The following CTNNA3 variants were observed in gnomAD, a reference collection of about 807,000 sequenced individuals.
CTNNA3 encodes catenin alpha 3, also known as catenin alpha-3.
CTNNA3 carries 76 observed loss-of-function variants against 95.7 expected under a neutral mutation model. The observed-to-expected ratio is 0.79, with a 90% confidence interval of 0.66 to 0.96. The LOEUF (loss-of-function observed/expected upper bound fraction) is 0.96, where lower values mean the gene tolerates loss of function less well. CTNNA3 is among the 40% of genes least tolerant of loss of function. CTNNA3 has a pLI of 0.00. For synonymous variants in CTNNA3, 431 were observed against 374.4 expected, an observed-to-expected ratio of 1.15 and a Z score of -1.74; for missense variants, 1,191 against 1,089.8, an observed-to-expected ratio of 1.09 and a Z score of -1.31.
At chr10:67,713,714 T>C (rs1020735995) in intron 1 of CTNNA3, among the ~76,000 whole-genome samples, 2 of 152,090 alleles carry the variant, frequency 1.3e-5, no homozygotes, top group African/African-American at 4.8e-5. Flanking sequence ...ATGTTCTCAC[T>C]CATAAGTGGG....
intron 16 of CTNNA3, among the ~76,000 whole-genome samples, chr10:65,976,816 A>C (rs1175469801): frequency 5.3e-5 from 8 of 151,950 alleles, no homozygotes; most frequent in Non-Finnish European, 8.8e-5. Flanking sequence ...TAATCAGGTT[A>C]CTTGGATTTT....
At chr10:67,270,358 C>T (rs1265733515) in intron 5 of CTNNA3, among the ~76,000 whole-genome samples, 8 of 152,050 alleles carry the variant, frequency 5.3e-5, no homozygotes, top group East Asian at 1.9e-4. Context: ...TATAACCAAA[C>T]GCAAGCACAA....
chr10:66,431,579 AG>A (rs2093296045), intron 11 of CTNNA3, among the ~76,000 whole-genome samples: 1 of 152,044 alleles, frequency 6.6e-6, no homozygotes, highest in Admixed American at 6.6e-5. Flanking sequence ...AAAAATGATG[AG>A]TTCATGTCCT....
At chr10:67,649,938 C>T (rs1839829258) in intron 1 of CTNNA3, among the ~76,000 whole-genome samples, 1 of 152,216 alleles carries the variant, frequency 6.6e-6, no homozygotes. Flanking sequence ...CTCCCAAGTT[C>T]AAGTGATTCT....
chr10:66,607,704 T>C (rs1844179337), intron 10 of CTNNA3, among the ~76,000 whole-genome samples: 1 of 152,132 alleles, frequency 6.6e-6, no homozygotes, highest in Non-Finnish European at 1.5e-5. Context: ...AACCACATGA[T>C]TATCTCAATA....
At chr10:66,158,500 G>A (rs1328888102) in intron 13 of CTNNA3, among the ~76,000 whole-genome samples, 3 of 152,016 alleles carry the variant, frequency 2.0e-5, no homozygotes, top group African/African-American at 7.2e-5. Flanking sequence ...CTGTTCCATT[G>A]GCCTATGTGC....
intron 13 of CTNNA3, among the ~76,000 whole-genome samples, chr10:66,126,995 G>A (rs907467250): frequency 7.2e-5 from 11 of 151,900 alleles, no homozygotes; most frequent in African/African-American, 1.7e-4. Flanking sequence ...ATGGCCGGGC[G>A]CGGTGGCTCA....
intron 12 of CTNNA3, among the ~76,000 whole-genome samples, chr10:66,295,866 T>C (rs927290043): frequency 5.3e-5 from 8 of 152,196 alleles, no homozygotes; most frequent in African/African-American, 1.9e-4. Context: ...AGTGGTAATA[T>C]GGAACATGGT....
At chr10:66,905,720 G>A (rs942482791) in intron 7 of CTNNA3, among the ~76,000 whole-genome samples, 6 of 152,038 alleles carry the variant, frequency 3.9e-5, no homozygotes, top group Admixed American at 6.6e-5. Context: ...CATGCATTAC[G>A]CTAAGTGAAA....
At chr10:66,642,939 C>T (rs1845570050) in intron 9 of CTNNA3, among the ~76,000 whole-genome samples, 1 of 152,000 alleles carries the variant, frequency 6.6e-6, no homozygotes, top group Non-Finnish European at 1.5e-5. Flanking sequence ...TTTAAGCAGA[C>T]CACTAAAAAG....
At chr10:66,614,124 T>C (rs1844426353) in intron 10 of CTNNA3, among the ~76,000 whole-genome samples, 1 of 152,108 alleles carries the variant, frequency 6.6e-6, no homozygotes, top group African/African-American at 2.4e-5. Context: ...TTGCTGTTTT[T>C]ACAAAATAGT....
intron 11 of CTNNA3, among the ~76,000 whole-genome samples, chr10:66,440,147 T>C (rs943950113): frequency 4.6e-5 from 7 of 152,176 alleles, no homozygotes; most frequent in African/African-American, 1.7e-4. Context: ...TTTGCAATTA[T>C]ATCTCCACTT....
At chr10:66,615,811 C>T (rs1359074386) in intron 10 of CTNNA3, among the ~76,000 whole-genome samples, 1 of 151,920 alleles carries the variant, frequency 6.6e-6, no homozygotes, top group Non-Finnish European at 1.5e-5. Flanking sequence ...CCTGATGACC[C>T]ATGTGCTTTT....
At chr10:66,390,821 A>G (rs1209836237) in intron 11 of CTNNA3, among the ~76,000 whole-genome samples, 2 of 152,132 alleles carry the variant, frequency 1.3e-5, no homozygotes, top group Non-Finnish European at 2.9e-5. Flanking sequence ...AGATCTAAGC[A>G]AAAACTAGCT....
At chr10:67,595,247 T>C (rs1194774362) in intron 3 of CTNNA3, among the ~76,000 whole-genome samples, 1 of 152,224 alleles carries the variant, frequency 6.6e-6, no homozygotes, top group Non-Finnish European at 1.5e-5. Flanking sequence ...TTGAGAGCCT[T>C]CTGCCTTTTT....
chr10:66,938,205 G>A (rs1035653068), intron 7 of CTNNA3, among the ~76,000 whole-genome samples: 2 of 151,810 alleles, frequency 1.3e-5, no homozygotes, highest in Non-Finnish European at 2.9e-5. Context: ...TTTTCACTAT[G>A]TACACTCTTC....
intron 11 of CTNNA3, among the ~76,000 whole-genome samples, chr10:66,519,324 CAACCT>C: frequency 6.6e-6 from 1 of 152,050 alleles, no homozygotes; most frequent in Admixed American, 6.5e-5. Context: ...CATGGAATCT[CAACCT>C]TGTCTGTTGT....
At chr10:66,253,385 T>C (rs1316732847) in intron 13 of CTNNA3, among the ~76,000 whole-genome samples, 1 of 152,008 alleles carries the variant, frequency 6.6e-6, no homozygotes, top group Non-Finnish European at 1.5e-5. Flanking sequence ...TTTCAAGCTT[T>C]GATCATATGT....
chr10:67,310,307 T>C (rs990721332), intron 5 of CTNNA3, among the ~76,000 whole-genome samples: 4 of 152,194 alleles, frequency 2.6e-5, no homozygotes, highest in Admixed American at 6.5e-5. Flanking sequence ...CTTAAATTAC[T>C]ACCCCTAAGT....
Sources: allele counts gnomAD v4.1 joint callset (sites outside exome capture counted in the v4.1 genomes callset), GRCh38; gene constraint gnomAD v4.1.1; transcripts MANE v1.5; gene names NCBI Gene and HGNC (gene_info 2026-07-23, HGNC 2026-07-21).